COL24A1: variants seen among roughly 807,000 people sequenced by gnomAD.
The protein encoded by COL24A1 is collagen alpha-1(XXIV) chain.
In COL24A1, 224 loss-of-function variants were observed where a neutral mutation model predicts 253.9. That is an observed-to-expected ratio of 0.88 (90% CI 0.79 to 0.99). The LOEUF is 0.99. Ranked by LOEUF, COL24A1 falls within the 50% of genes least tolerant of loss-of-function variation. COL24A1 has a pLI of 0.00. For missense variants in COL24A1, 2,131 were observed against 2,068.5 expected, an observed-to-expected ratio of 1.03 and a Z score of -0.59; for synonymous variants, 685 against 673.7, an observed-to-expected ratio of 1.02 and a Z score of -0.26.
intron 45 of COL24A1, among the ~76,000 whole-genome samples, chr1:85,819,939 C>T (rs1673447869): frequency 6.6e-6 from 1 of 151,298 alleles, no homozygotes; most frequent in South Asian, 2.1e-4. Flanking sequence ...CCTCCACCTG[C>T]CAGGTTGAAG....
At chr1:86,028,479 TC>T (rs1235784762) in intron 14 of COL24A1, among the ~76,000 whole-genome samples, 1 of 150,330 alleles carries the variant, frequency 6.7e-6, no homozygotes, top group Non-Finnish European at 1.5e-5. Context: ...ATCTGGCATT[TC>T]CCCTGTTTGC....
chr1:85,950,905 G>A (rs1441598698), intron 24 of COL24A1, among the ~76,000 whole-genome samples: 1 of 152,204 alleles, frequency 6.6e-6, no homozygotes, highest in Non-Finnish European at 1.5e-5. Context: ...CAGGTGAGCT[G>A]TGACTCATTG....
At chr1:86,029,826 T>G (rs1698391816) in intron 14 of COL24A1, 1 of 151,998 alleles carries the variant, frequency 6.6e-6, no homozygotes, top group Non-Finnish European at 1.5e-5. Context: ...TTCAACGTTT[T>G]TTATTTAAAT....
At chr1:85,832,655 T>C (rs1675450492) in intron 43 of COL24A1, among the ~76,000 whole-genome samples, 2 of 151,354 alleles carry the variant, frequency 1.3e-5, no homozygotes, top group South Asian at 4.2e-4. Context: ...CCTTGTAAGT[T>C]GGATTCCTAG....
intron 29 of COL24A1, 110 bp from the exon 30 acceptor site, chr1:85,896,175 T>C: frequency 7.9e-7 from 1 of 1,259,900 alleles, no homozygotes; most frequent in Non-Finnish European, 1.1e-6. Flanking sequence ...AAGTATATAG[T>C]TCATTATTGA....
intron 2 of COL24A1, among the ~76,000 whole-genome samples, chr1:86,134,328 T>G (rs148644471): frequency 0.11 from 15,976 of 151,328 alleles, 1,054 homozygotes; most frequent in African/African-American, 0.19. Flanking sequence ...TTTTTGAAGG[T>G]TTTTTGTGTC....
chr1:85,993,933 T>A (rs1310039759), intron 19 of COL24A1, among the ~76,000 whole-genome samples: 1 of 152,054 alleles, frequency 6.6e-6, no homozygotes, highest in Non-Finnish European at 1.5e-5. Context: ...TAATAACAGC[T>A]TTAAAACAAA....
In COL24A1 at chr1:86,156,692, G is replaced by A. The variant is rs2102493051; in HGVS notation, c.-296C>T. The A allele has an allele frequency of 7.3e-6, 2 of 275,350 alleles. No individual in the cohort carries two copies. The highest frequency in any genetic ancestry group is 1.0e-4 in the South Asian group (1 of 9,994). The allele number at this position is 275,350 out of a possible 1,614,324, so 17.1% of individuals were successfully genotyped here. A position where few individuals can be genotyped will look rare whatever the true frequency, so the allele number is the denominator to read the frequency against. ...GTAAACCTCACTGGGAGGCCTCGGG[G>A]CGCCGGCGGCAGCGGGAGCCGGGCT... On this transcript the variant is annotated 5_prime_UTR_variant, in exon 1 of 60. Transcript: ENST00000370571.
intron 24 of COL24A1, among the ~76,000 whole-genome samples, chr1:85,953,822 T>C (rs1690168296): frequency 6.6e-6 from 1 of 152,190 alleles, no homozygotes; most frequent in Non-Finnish European, 1.5e-5. Flanking sequence ...AATGTGATTT[T>C]TAAAAAATAA....
intron 10 of COL24A1, among the ~76,000 whole-genome samples, chr1:86,054,682 C>T (rs1700545994): frequency 6.6e-6 from 1 of 152,118 alleles, no homozygotes; most frequent in South Asian, 2.1e-4. Flanking sequence ...AACACTTATA[C>T]ACTGCTGGTG....
At chr1:85,851,764 T>C (rs1314342495) in intron 37 of COL24A1, among the ~76,000 whole-genome samples, 1 of 152,238 alleles carries the variant, frequency 6.6e-6, no homozygotes, top group Non-Finnish European at 1.5e-5. Flanking sequence ...GTTATTCTAC[T>C]GGGCTGTCTT....
chr1:85,886,093 C>T (rs1372269732), intron 32 of COL24A1, among the ~76,000 whole-genome samples: 1 of 151,114 alleles, frequency 6.6e-6, no homozygotes, highest in Non-Finnish European at 1.5e-5. Flanking sequence ...GATGGAATCT[C>T]ACTCTATCAC....
intron 7 of COL24A1, among the ~76,000 whole-genome samples, chr1:86,077,659 TA>T (rs561499097): frequency 1.6e-4 from 24 of 152,082 alleles, no homozygotes; most frequent in African/African-American, 2.2e-4. Context: ...TATGCAGCCA[TA>T]AAAAAAGATG....
At chr1:86,045,230 T>G (rs1699806194) in intron 12 of COL24A1, among the ~76,000 whole-genome samples, 1 of 152,162 alleles carries the variant, frequency 6.6e-6, no homozygotes, top group African/African-American at 2.4e-5. Flanking sequence ...CCTCAACTGA[T>G]CTGCCCGACT....
intron 19 of COL24A1, among the ~76,000 whole-genome samples, chr1:86,004,701 C>T (rs772051377): frequency 5.3e-5 from 8 of 152,106 alleles, no homozygotes; most frequent in African/African-American, 9.7e-5. Context: ...TCCTTCACCA[C>T]ACCCTGAACT....
chr1:85,866,954 T>C (rs1490277361), intron 37 of COL24A1, among the ~76,000 whole-genome samples: 1 of 152,188 alleles, frequency 6.6e-6, no homozygotes, highest in African/African-American at 2.4e-5. Context: ...AAAAATAATC[T>C]TATACTTCTG....
At chr1:86,068,314 A>T (rs949724434) in intron 7 of COL24A1, among the ~76,000 whole-genome samples, 2 of 152,218 alleles carry the variant, frequency 1.3e-5, no homozygotes, top group East Asian at 3.9e-4. Context: ...CTCCCCTGGC[A>T]GCAGCCCTGC....
chr1:85,928,821 C>A (rs1687571549), intron 24 of COL24A1, among the ~76,000 whole-genome samples: 1 of 52,202 alleles, frequency 1.9e-5, no homozygotes, highest in Admixed American at 2.5e-4. Context: ...AATTTCATAT[C>A]CAGCCAAACT....
intron 57 of COL24A1, among the ~76,000 whole-genome samples, chr1:85,742,123 C>T (rs1418375596): frequency 1.5e-5 from 2 of 134,298 alleles, no homozygotes; most frequent in African/African-American, 5.4e-5. Context: ...GTTTTTAGAC[C>T]TCATTTCTTT....
Sources: gnomAD v4.1 joint callset for allele counts (sites outside exome capture counted in the v4.1 genomes callset) on GRCh38, gnomAD v4.1.1 for gene constraint, MANE v1.5 for transcripts, NCBI Gene and HGNC (gene_info 2026-07-23, HGNC 2026-07-21) for gene names.